The following PCDH15 variants were observed in gnomAD, a reference collection of about 807,000 sequenced individuals.
PCDH15 encodes the protein protocadherin related 15.
A neutral mutation model predicts 178.5 loss-of-function variants in PCDH15; 129 were observed. That is an observed-to-expected ratio of 0.72 (90% CI 0.63 to 0.84). The LOEUF is 0.84. Among genes scored for constraint, PCDH15 ranks in the 40% least tolerant of loss-of-function variants. The probability of loss-of-function intolerance (pLI) is 0.00; values close to 1 mark genes in which losing one functional copy is unlikely to be tolerated. For synonymous variants in PCDH15, 800 were observed against 732.0 expected (o/e 1.09, Z -1.50); for missense variants, 2,230 against 2,099.9 (o/e 1.06, Z -1.21).
At chr10:55,072,996 A>T (rs1841791682) in intron 2 of PCDH15, among the ~76,000 whole-genome samples, 1 of 152,160 alleles carries the variant, frequency 6.6e-6, no homozygotes. Context: ...AAAGACAAAA[A>T]CCACATGATT....
chr10:55,608,885 G>A (rs1843291882), intron 2 of PCDH15, among the ~76,000 whole-genome samples: 4 of 151,930 alleles, frequency 2.6e-5, no homozygotes, highest in Admixed American at 2.6e-4. Context: ...TGAGAGGCCT[G>A]GGGATCCTTT....
At chr10:53,808,536 C>T (rs2075741741) in intron 37 of PCDH15, 1 of 1,436,598 alleles carries the variant, frequency 7.0e-7, no homozygotes, top group African/African-American at 1.4e-5. Flanking sequence ...ATTTGGACAA[C>T]ATATATATTC....
intron 28 of PCDH15, among the ~76,000 whole-genome samples, chr10:53,840,736 T>C (rs914446638): frequency 1.3e-5 from 2 of 152,244 alleles, no homozygotes; most frequent in African/African-American, 2.4e-5. Context: ...TATTTAACTT[T>C]AGGCTTTTTG....
intron 9 of PCDH15, among the ~76,000 whole-genome samples, chr10:54,219,088 CT>C (rs1564710263): frequency 2.3e-5 from 1 of 43,610 alleles, no homozygotes; most frequent in South Asian, 6.6e-4. Context: ...CCTGTCTCTA[CT>C]AAAAAAAAAA....
At chr10:54,576,668 G>T (rs752156656) in intron 2 of PCDH15, among the ~76,000 whole-genome samples, 2 of 152,156 alleles carry the variant, frequency 1.3e-5, no homozygotes, top group Non-Finnish European at 2.9e-5. Context: ...CTAAAAAGAT[G>T]CAAATTCTTG....
At chr10:55,476,978 A>T (rs776946866) in intron 2 of PCDH15, among the ~76,000 whole-genome samples, 5 of 151,862 alleles carry the variant, frequency 3.3e-5, no homozygotes, top group Non-Finnish European at 5.9e-5. Flanking sequence ...CCATAATATG[A>T]TACTTCTTCG....
chr10:54,132,842 C>T (rs746897167), intron 15 of PCDH15, 33 bp downstream of exon 15: 12 of 993,922 alleles, frequency 1.2e-5, no homozygotes, highest in Admixed American at 2.3e-5. Flanking sequence ...AGAATTTATA[C>T]ACACACACAC....
At chr10:55,173,345 G>GTGTGTGTGTGTT (rs1284975511) in intron 1 of PCDH15, among the ~76,000 whole-genome samples, 5 of 150,362 alleles carry the variant, frequency 3.3e-5, no homozygotes, top group African/African-American at 7.3e-5. Context: ...GTGTGTGTGT[G>GTGTGTGTGTGTT]TATGTGTATG....
chr10:54,748,751 A>G (rs922895893), intron 1 of PCDH15, among the ~76,000 whole-genome samples: 1 of 152,200 alleles, frequency 6.6e-6, no homozygotes, highest in African/African-American at 2.4e-5. Context: ...AAACAGGCTC[A>G]TATTATAATC....
At chr10:54,170,105 G>A (rs1045769110) in intron 13 of PCDH15, among the ~76,000 whole-genome samples, 5 of 116,924 alleles carry the variant, frequency 4.3e-5, no homozygotes, top group Admixed American at 8.5e-5. Flanking sequence ...AAATTACCTA[G>A]GCTGTACTGC....
intron 2 of PCDH15, among the ~76,000 whole-genome samples, chr10:54,916,520 G>A (rs1404474236): frequency 3.3e-5 from 5 of 152,068 alleles, no homozygotes; most frequent in Non-Finnish European, 5.9e-5. Flanking sequence ...CCAGCTTAAT[G>A]GGGTGATTTG....
At chr10:54,395,991 T>G (rs1951168233) in intron 3 of PCDH15, among the ~76,000 whole-genome samples, 1 of 152,140 alleles carries the variant, frequency 6.6e-6, no homozygotes, top group Non-Finnish European at 1.5e-5. Context: ...TGGTTTGGCA[T>G]AAGGTTTGTT....
At chr10:54,122,844 A>G (rs886281689) in intron 15 of PCDH15, among the ~76,000 whole-genome samples, 1 of 150,648 alleles carries the variant, frequency 6.6e-6, no homozygotes, top group South Asian at 2.1e-4. Flanking sequence ...GAGGTAAAAG[A>G]TCTCTGCAGG....
At chr10:54,595,899 G>C (rs2092209329) in intron 2 of PCDH15, among the ~76,000 whole-genome samples, 1 of 151,802 alleles carries the variant, frequency 6.6e-6, no homozygotes, top group South Asian at 2.1e-4. Context: ...TAAATAAGAT[G>C]GTCAGACAAG....
chr10:55,338,522 C>T (rs1397576058), intron 2 of PCDH15, among the ~76,000 whole-genome samples: 1 of 152,146 alleles, frequency 6.6e-6, no homozygotes, highest in Non-Finnish European at 1.5e-5. Context: ...TATCCCAGCA[C>T]TCGGGGAGAC....
At chr10:54,911,817 G>C (rs899911138) in intron 2 of PCDH15, among the ~76,000 whole-genome samples, 10 of 152,120 alleles carry the variant, frequency 6.6e-5, no homozygotes, top group African/African-American at 2.4e-4. Context: ...GATGTGCCTT[G>C]TTTCCCTTCA....
intron 5 of PCDH15, among the ~76,000 whole-genome samples, chr10:54,359,801 A>G (rs1160943026): frequency 6.7e-6 from 1 of 150,228 alleles, no homozygotes; most frequent in Non-Finnish European, 1.5e-5. Context: ...GTTTTTAGTC[A>G]TTCCTTTAAA....
intron 1 of PCDH15, among the ~76,000 whole-genome samples, chr10:55,309,121 T>C (rs1421331022): frequency 6.6e-6 from 1 of 152,228 alleles, no homozygotes; most frequent in Non-Finnish European, 1.5e-5. Context: ...CATTGTAATT[T>C]AAGCGTTCTC....
At chr10:55,380,525 T>C (rs1187647854) in intron 2 of PCDH15, among the ~76,000 whole-genome samples, 1 of 152,146 alleles carries the variant, frequency 6.6e-6, no homozygotes, top group East Asian at 1.9e-4. Flanking sequence ...TGAAAAGTAT[T>C]ATAAAATAAT....
Sources: allele counts gnomAD v4.1 joint callset (sites outside exome capture counted in the v4.1 genomes callset), GRCh38; gene constraint gnomAD v4.1.1; transcripts MANE v1.5; gene names NCBI Gene and HGNC (gene_info 2026-07-23, HGNC 2026-07-21).